Variants in ANXA5 observed in about 807,000 individuals in gnomAD.
ANXA5 encodes CBP-I.
In ANXA5, 40 loss-of-function variants were observed where a neutral mutation model predicts 48.1. The ratio of observed to expected loss-of-function variants is 0.83; its 90% CI spans 0.65 to 1.08. The LOEUF (loss-of-function observed/expected upper bound fraction) is 1.08. Among genes scored for constraint, ANXA5 ranks in the 50% least tolerant of loss-of-function variants. The pLI is 0.00. For synonymous variants in ANXA5, 113 were observed against 129.1 expected, an observed-to-expected ratio of 0.88 and a Z score of 0.85; for missense variants, 357 against 376.8, an observed-to-expected ratio of 0.95 and a Z score of 0.44.
chr4:121,672,131 C>T (rs1724623527), intron 9 of ANXA5, among the ~76,000 whole-genome samples: 1 of 152,164 alleles, frequency 6.6e-6, no homozygotes, highest in Admixed American at 6.6e-5. Context: ...ATTTTTAAAG[C>T]CACTATTAGG....
chr4:121,681,565 T>C (rs1375915409), intron 6 of ANXA5, 106 bp downstream of exon 6: 2 of 625,392 alleles, frequency 3.2e-6, no homozygotes, highest in African/African-American at 3.7e-5. Flanking sequence ...CATTCATCCA[T>C]CATTTACTGC....
At position 121,683,506 on chromosome 4, in the gene ANXA5, A is replaced by G. The variant is rs771502424; in HGVS notation, c.190-29T>C. On this transcript the variant is annotated intron_variant, in intron 4 of 12. Coordinates refer to ENST00000296511, the MANE Select transcript of ANXA5 (RefSeq NM_001154.4). ...ACCCACAGAAAATACAAATTTGTTAACCAGCAGAAATTGTAATAAGATTCT... is the reference window on the plus strand; with the variant it reads ...ACCCACAGAAAATACAAATTTGTTAGCCAGCAGAAATTGTAATAAGATTCT... 7 of 1,286,822 alleles carry G rather than the reference A, an allele frequency of 5.4e-6. No individual in the cohort carries two copies. The South Asian group carries it at 8.5e-5, about 16-fold the overall frequency. The allele number at this position is 1,286,822 out of a possible 1,614,324, so 79.7% of individuals were successfully genotyped here.
At chr4:121,696,226 G>T (rs1047438323) in intron 2 of ANXA5, among the ~76,000 whole-genome samples, 4 of 152,092 alleles carry the variant, frequency 2.6e-5, no homozygotes, top group African/African-American at 9.7e-5. Context: ...ACGATGAGCT[G>T]TTCTTGCTCC....
chr4:121,681,017 C>G (rs1208622578), intron 6 of ANXA5, among the ~76,000 whole-genome samples: 1 of 152,120 alleles, frequency 6.6e-6, no homozygotes, highest in Admixed American at 6.6e-5. Flanking sequence ...TCTGACCCTC[C>G]TCAGTCAGGC....
intron 2 of ANXA5, among the ~76,000 whole-genome samples, chr4:121,689,037 C>T (rs1028293005): frequency 1.3e-5 from 2 of 152,108 alleles, no homozygotes; most frequent in Non-Finnish European, 2.9e-5. Flanking sequence ...GCCATTCATT[C>T]GATACCTTAA....
At chr4:121,693,991 G>A (rs905586197) in intron 2 of ANXA5, among the ~76,000 whole-genome samples, 1 of 149,972 alleles carries the variant, frequency 6.7e-6, no homozygotes, top group African/African-American at 2.5e-5. Flanking sequence ...AAATATTTCT[G>A]ATCAAACCTT....
intron 12 of ANXA5, 167 bp downstream of exon 12, chr4:121,669,435 T>A: frequency 1.2e-6 from 1 of 816,960 alleles, no homozygotes; most frequent in Non-Finnish European, 1.9e-6. Flanking sequence ...GGAGCCATCA[T>A]CTCTACTTCA....
chr4:121,685,071 T>TAC lies in ANXA5; in HGVS notation c.95-302_95-301dup, dbSNP rs56278871. Reference sequence around the variant, plus strand: ...ATATATACACACACACATATATATATACACACACACACACACAGACGCAAA... The same window carrying TAC: ...ATATATACACACACACATATATATATACACACACACACACACACAGACGCAAA... On this transcript the variant is annotated intron_variant, in intron 3 of 12. Coordinates refer to ENST00000296511, the MANE Select transcript of ANXA5 (RefSeq NM_001154.4). Among the ~76,000 whole-genome samples the TAC allele has an allele frequency of 1.9e-3, 275 of 146,570 alleles. 2 individuals carry two copies. The highest frequency in any genetic ancestry group is 4.7e-3 in the East Asian group (24 of 5,078).
chr4:121,694,086 C>T (rs138578295), intron 2 of ANXA5, among the ~76,000 whole-genome samples: 2,395 of 101,608 alleles, frequency 0.024, 31 homozygotes, highest in East Asian at 0.067. Context: ...ACACCCACAC[C>T]GGGGCCTATT....
chr4:121,675,350 T>C (rs1204353153), intron 8 of ANXA5, among the ~76,000 whole-genome samples: 1 of 152,216 alleles, frequency 6.6e-6, no homozygotes, highest in East Asian at 1.9e-4. Context: ...AAGAGCCCTT[T>C]AGCTGTCTCA....
At chr4:121,680,981 G>A (rs1178349869) in intron 6 of ANXA5, among the ~76,000 whole-genome samples, 2 of 152,162 alleles carry the variant, frequency 1.3e-5, no homozygotes, top group Non-Finnish European at 2.9e-5. Context: ...CTTGGAGTCT[G>A]TTGACTGAGC....
At chr4:121,672,063 A>G (rs371978719) in intron 9 of ANXA5, among the ~76,000 whole-genome samples, 3 of 152,218 alleles carry the variant, frequency 2.0e-5, no homozygotes, top group African/African-American at 7.2e-5. Flanking sequence ...GAAAAACCAG[A>G]AAGATCTCAG....
chr4:121,690,004 C>G (rs540287465), intron 2 of ANXA5, among the ~76,000 whole-genome samples: 3 of 152,062 alleles, frequency 2.0e-5, no homozygotes, highest in Admixed American at 6.5e-5. Context: ...CTGGAGGGGG[C>G]CACCACGCAA....
At chr4:121,677,696 C>T (rs1238969591) in intron 8 of ANXA5, among the ~76,000 whole-genome samples, 198 bp downstream of exon 8, 1 of 151,926 alleles carries the variant, frequency 6.6e-6, no homozygotes, top group Non-Finnish European at 1.5e-5. Flanking sequence ...TATTTCGTTT[C>T]AGCTTTAAGG....
At chr4:121,696,474 C>A in intron 2 of ANXA5, 107 bp downstream of exon 2, 1 of 1,070,732 alleles carries the variant, frequency 9.3e-7, no homozygotes, top group South Asian at 4.5e-5. Context: ...AAAGCAGGTT[C>A]CCTTTCCTCC....
chr4:121,675,691 G>A (rs182777581), intron 8 of ANXA5, among the ~76,000 whole-genome samples: 205 of 152,310 alleles, frequency 1.3e-3, no homozygotes, highest in African/African-American at 4.5e-3. Flanking sequence ...TGCATGACAC[G>A]TAAGTGTCAC....
chr4:121,695,712 G>A (rs1725067634), intron 2 of ANXA5, among the ~76,000 whole-genome samples: 1 of 152,068 alleles, frequency 6.6e-6, no homozygotes, highest in African/African-American at 2.4e-5. Context: ...AGACCAGCCT[G>A]GCCAACATGG....
chr4:121,670,204 T>A (rs973748881), intron 10 of ANXA5, among the ~76,000 whole-genome samples, 192 bp from the exon 11 acceptor site: 1 of 152,218 alleles, frequency 6.6e-6, no homozygotes, highest in Non-Finnish European at 1.5e-5. Flanking sequence ...GGCTTAGGTT[T>A]TCCTTGGAGT....
chr4:121,668,436 G>A lies in ANXA5; in HGVS notation c.*32C>T. 1 of 1,607,090 alleles carries A rather than the reference G, an allele frequency of 6.2e-7. No individual in the cohort carries two copies. Among genetic ancestry groups the A allele is most frequent in the Non-Finnish European group, 8.5e-7 (1 of 1,174,008 alleles). Reference sequence around the variant, plus strand: ...GAAGGAAGGCAGTGGGGTGGTGCAGGCACACAGCAGGGAGCTCTTCCCCGT... The same window carrying A: ...GAAGGAAGGCAGTGGGGTGGTGCAGACACACAGCAGGGAGCTCTTCCCCGT... On this transcript the variant is annotated 3_prime_UTR_variant, in exon 13 of 13. Coordinates refer to ENST00000296511, the MANE Select transcript of ANXA5 (RefSeq NM_001154.4).
Sources: allele counts gnomAD v4.1 joint callset (sites outside exome capture counted in the v4.1 genomes callset), GRCh38; gene constraint gnomAD v4.1.1; transcripts MANE v1.5; gene names NCBI Gene and HGNC (gene_info 2026-07-23, HGNC 2026-07-21).